ZFPM2: variants seen among roughly 807,000 people sequenced by gnomAD.
ZFPM2 encodes zinc finger protein, FOG family member 2.
ZFPM2 carries 20 observed loss-of-function variants against 98.6 expected under a neutral mutation model. That is an observed-to-expected ratio of 0.20 (90% CI 0.14 to 0.29). ZFPM2 has a LOEUF of 0.29. ZFPM2 is among the 10% of genes least tolerant of loss of function. The pLI is 1.00. For missense variants in ZFPM2, 1,310 were observed against 1,388.6 expected, an observed-to-expected ratio of 0.94 and a Z score of 0.90; for synonymous variants, 518 against 502.7, an observed-to-expected ratio of 1.03 and a Z score of -0.41.
intron 1 of ZFPM2, among the ~76,000 whole-genome samples, chr8:105,412,976 A>C (rs1325236030): frequency 6.6e-6 from 1 of 151,886 alleles, no homozygotes; most frequent in Non-Finnish European, 1.5e-5. Flanking sequence ...ACGTATTAGT[A>C]ATTTCAAGCT....
chr8:105,383,380 A>G (rs1810924622), intron 1 of ZFPM2, among the ~76,000 whole-genome samples: 1 of 152,202 alleles, frequency 6.6e-6, no homozygotes, highest in South Asian at 2.1e-4. Flanking sequence ...ACAGAGTTAC[A>G]GTCAAAAATT....
At chr8:105,648,314 C>A (rs931263870) in intron 5 of ZFPM2, among the ~76,000 whole-genome samples, 5 of 152,116 alleles carry the variant, frequency 3.3e-5, no homozygotes, top group Admixed American at 3.3e-4. Context: ...AAAATGTTCT[C>A]CCATTCTGTA....
intron 3 of ZFPM2, among the ~76,000 whole-genome samples, chr8:105,490,401 A>G (rs753501885): frequency 7.9e-5 from 12 of 152,174 alleles, no homozygotes; most frequent in Non-Finnish European, 1.0e-4. Flanking sequence ...TAAATGCTAT[A>G]TGGAGTTATT....
intron 5 of ZFPM2, among the ~76,000 whole-genome samples, chr8:105,653,993 C>T (rs952662322): frequency 2.7e-5 from 4 of 149,812 alleles, no homozygotes; most frequent in Non-Finnish European, 5.9e-5. Context: ...GTCTTCTTCT[C>T]TCCAACACCT....
intron 4 of ZFPM2, among the ~76,000 whole-genome samples, chr8:105,577,834 T>G (rs1815501529): frequency 6.6e-6 from 1 of 151,942 alleles, no homozygotes; most frequent in Admixed American, 6.6e-5. Context: ...GCTTCCATAT[T>G]ATTTGATCTT....
chr8:105,775,397 G>A (rs887257637), intron 5 of ZFPM2, among the ~76,000 whole-genome samples: 10 of 151,858 alleles, frequency 6.6e-5, no homozygotes, highest in Admixed American at 1.3e-4. Context: ...CACACAAGTC[G>A]TAATGAAAGT....
intron 2 of ZFPM2, among the ~76,000 whole-genome samples, chr8:105,422,200 G>A (rs1033064340): frequency 5.9e-5 from 9 of 152,056 alleles, no homozygotes; most frequent in African/African-American, 1.7e-4. Context: ...CACTTTGGGA[G>A]GCTGAGGCAG....
intron 1 of ZFPM2, chr8:105,358,575 A>G (rs1427226455): frequency 6.6e-6 from 1 of 152,232 alleles, no homozygotes; most frequent in Non-Finnish European, 1.5e-5. Context: ...CCTCAGACCC[A>G]CTGACACAGA....
intron 3 of ZFPM2, among the ~76,000 whole-genome samples, chr8:105,476,057 A>G (rs983224813): frequency 3.3e-5 from 5 of 152,216 alleles, no homozygotes; most frequent in African/African-American, 9.6e-5. Flanking sequence ...TAAAAGTCAC[A>G]TTAAAAGCAT....
At chr8:105,599,628 A>G (rs971255917) in intron 4 of ZFPM2, among the ~76,000 whole-genome samples, 3 of 152,074 alleles carry the variant, frequency 2.0e-5, no homozygotes, top group Non-Finnish European at 4.4e-5. Context: ...TATTGCGGCA[A>G]TGGCAGGCCT....
chr8:105,789,380 C>A lies in ZFPM2; in HGVS notation c.739+456C>A, dbSNP rs548951531. Reference sequence around the variant, plus strand: ...ATAGTTTACTGAGAATGATGATTTCCAATTTCATCCATGTCCCTACAAAGG... The same window carrying A: ...ATAGTTTACTGAGAATGATGATTTCAAATTTCATCCATGTCCCTACAAAGG... On this transcript the variant is annotated intron_variant, in intron 6 of 7. Transcript: ENST00000407775. Among the ~76,000 whole-genome samples, 610 of 152,238 alleles carry A rather than the reference C, an allele frequency of 4.0e-3. 5 individuals carry two copies. Among genetic ancestry groups the A allele is most frequent in the African/African-American group, 0.014 (569 of 41,530 alleles).
chr8:105,671,440 G>A (rs1027629148), intron 5 of ZFPM2, among the ~76,000 whole-genome samples: 1 of 151,546 alleles, frequency 6.6e-6, no homozygotes, highest in African/African-American at 2.4e-5. Context: ...AACATCTCGT[G>A]TTGTTTTAAT....
chr8:105,340,000 T>C (rs1812397650), intron 1 of ZFPM2, among the ~76,000 whole-genome samples: 2 of 151,982 alleles, frequency 1.3e-5, no homozygotes, highest in South Asian at 4.2e-4. Context: ...ATATTGTATT[T>C]TCGTTTATTT....
intron 1 of ZFPM2, among the ~76,000 whole-genome samples, chr8:105,346,601 A>C (rs930758718): frequency 6.6e-6 from 1 of 152,162 alleles, no homozygotes; most frequent in African/African-American, 2.4e-5. Context: ...TTTCATTGAG[A>C]GCCTTCCTAT....
intron 5 of ZFPM2, among the ~76,000 whole-genome samples, chr8:105,707,469 C>T (rs957962130): frequency 6.6e-6 from 1 of 152,046 alleles, no homozygotes; most frequent in African/African-American, 2.4e-5. Context: ...TCTGATGTAC[C>T]TCATTTAACA....
chr8:105,691,309 C>T (rs1255304090), intron 5 of ZFPM2, among the ~76,000 whole-genome samples: 10 of 105,398 alleles, frequency 9.5e-5, no homozygotes, highest in South Asian at 6.6e-4. Flanking sequence ...ACTGCAGTGG[C>T]GGGATCTCGG....
rs371675817 is a variant in ZFPM2 at position 105,718,546 on chromosome 8, GT to G, written c.533-70167del. On this transcript the variant is annotated intron_variant, in intron 5 of 7. Coordinates refer to ENST00000407775, the MANE Select transcript of ZFPM2 (RefSeq NM_012082.4). ...TAAGTAAGATAATGTCTTTGAAAGG[GT>G]TTTTGCAAGTTTAAGACACTAATTG... 2.4e-3 allele frequency among the ~76,000 whole-genome samples: 359 copies of G among 152,044 alleles called. 1 individual carries two copies. Among genetic ancestry groups the G allele is most frequent in the African/African-American group, 8.0e-3 (331 of 41,520 alleles).
At chr8:105,393,817 A>G (rs1323287756) in intron 1 of ZFPM2, among the ~76,000 whole-genome samples, 3 of 152,068 alleles carry the variant, frequency 2.0e-5, no homozygotes, top group Non-Finnish European at 4.4e-5. Flanking sequence ...TTAGGTCAGA[A>G]TTATTATTCC....
chr8:105,695,946 C>T (rs1269100576), intron 5 of ZFPM2, among the ~76,000 whole-genome samples: 1 of 152,144 alleles, frequency 6.6e-6, no homozygotes, highest in African/African-American at 2.4e-5. Flanking sequence ...TTCTTGCTCT[C>T]TGCAGAATCT....
Sources: gnomAD v4.1 joint callset for allele counts (sites outside exome capture counted in the v4.1 genomes callset) on GRCh38, gnomAD v4.1.1 for gene constraint, MANE v1.5 for transcripts, NCBI Gene and HGNC (gene_info 2026-07-23, HGNC 2026-07-21) for gene names.